Variants in KAZN observed in about 807,000 individuals in gnomAD.
KAZN encodes kazrin, periplakin interacting protein.
A neutral mutation model predicts 87.4 loss-of-function variants in KAZN; 40 were observed. The ratio of observed to expected loss-of-function variants is 0.46; its 90% CI spans 0.36 to 0.60. The LOEUF (loss-of-function observed/expected upper bound fraction) is 0.60. KAZN is among the 20% of genes least tolerant of loss of function. The pLI is 0.00. For missense variants in KAZN, 898 were observed against 1,073.9 expected (o/e 0.84, Z 2.29); for synonymous variants, 466 against 458.3 (o/e 1.02, Z -0.22).
chr1:14,009,701 C>T (rs547206674), intron 1 of KAZN, among the ~76,000 whole-genome samples: 4 of 152,194 alleles, frequency 2.6e-5, no homozygotes, highest in African/African-American at 4.8e-5. Flanking sequence ...ATATCTGATC[C>T]GCTGTTCATT....
At chr1:14,583,428 G>A (rs1045029300) in intron 2 of KAZN, among the ~76,000 whole-genome samples, 5 of 152,220 alleles carry the variant, frequency 3.3e-5, no homozygotes, top group Non-Finnish European at 7.4e-5. Context: ...AATGCTCTAG[G>A]AGATGCACGT....
intron 1 of KAZN, among the ~76,000 whole-genome samples, chr1:13,957,317 C>T (rs1226621805): frequency 6.6e-6 from 1 of 152,152 alleles, no homozygotes; most frequent in Non-Finnish European, 1.5e-5. Flanking sequence ...GTGAGAGAGA[C>T]AATCCAGATC....
chr1:15,087,865 T>C (rs560207902), intron 8 of KAZN, among the ~76,000 whole-genome samples: 2 of 152,378 alleles, frequency 1.3e-5, no homozygotes, highest in South Asian at 4.1e-4. Flanking sequence ...CTGAACACTT[T>C]GCACACATCA....
chr1:14,112,609 C>T (rs888285509), intron 1 of KAZN, among the ~76,000 whole-genome samples: 1 of 152,102 alleles, frequency 6.6e-6, no homozygotes, highest in Admixed American at 6.6e-5. Flanking sequence ...GATGTCACTC[C>T]CATGATTATG....
chr1:14,983,296 G>A (rs1027149601), intron 2 of KAZN, among the ~76,000 whole-genome samples: 64 of 152,198 alleles, frequency 4.2e-4, no homozygotes, highest in African/African-American at 1.4e-3. Context: ...GATGGGCCCC[G>A]GACTTGACGC....
intron 2 of KAZN, among the ~76,000 whole-genome samples, chr1:14,335,758 C>CAGAG (rs558013162): frequency 0.012 from 1,874 of 151,500 alleles, 43 homozygotes; most frequent in African/African-American, 0.043. Context: ...CACACACACA[C>CAGAG]ACAGAGAGAG....
rs139730170 is a variant in KAZN, at chr1:14,758,893, G to T, written c.226+159670G>T. 7.2e-5 allele frequency among the ~76,000 whole-genome samples: 10 copies of T among 138,448 alleles called. No homozygotes were observed. In the East Asian group the frequency reaches 2.0e-3, roughly 27 times the overall value. The allele number at this position is 138,448 out of a possible 152,430, so 90.8% of individuals were successfully genotyped here. On this transcript the variant is annotated intron_variant, in intron 1 of 14. Transcript: ENST00000376030. The stretch of plus-strand genomic sequence containing the variant: ...GGGTCTGAAAATCTTTCTTGAGCTG[G>T]GTCATTTGAATCCAGAAAAAAAAAA...
At chr1:15,044,459 G>GA (rs1673265896) in intron 4 of KAZN, among the ~76,000 whole-genome samples, 3 of 151,990 alleles carry the variant, frequency 2.0e-5, no homozygotes, top group Middle Eastern at 3.2e-3. Context: ...CTACTATTAG[G>GA]AAAAAAAGGC....
chr1:14,749,584 G>A (rs183202984), intron 1 of KAZN, among the ~76,000 whole-genome samples: 62 of 152,224 alleles, frequency 4.1e-4, no homozygotes, highest in South Asian at 4.1e-4. Context: ...CCTCTGGCTC[G>A]GCCTGTGGTT....
In KAZN at chr1:15,066,039, ACT is replaced by A. The variant is rs1377973970; in HGVS notation, c.1222+291_1222+292del. 3.8e-5 allele frequency: 47 copies of A among 1,225,112 alleles called. No homozygotes were observed. The African/African-American group carries it at 6.1e-4, about 16-fold the overall frequency. 75.9% of individuals were successfully genotyped at this position (1,225,112 alleles called of 1,614,324 possible). ...CCGCAAACCGTGTGTGAACCTGTCA[ACT>A]CTCTGTCGTCTTTGGAGCGATACAG... On this transcript the variant is annotated intron_variant, in intron 8 of 14. Coordinates refer to ENST00000376030, the MANE Select transcript of KAZN (RefSeq NM_201628.3). This position sits in a 1 kb window ranked among gnomAD's most constrained non-coding sequence, Gnocchi z 4.3.
At chr1:14,253,993 G>A (rs914280827) in intron 2 of KAZN, among the ~76,000 whole-genome samples, 3 of 151,494 alleles carry the variant, frequency 2.0e-5, no homozygotes, top group Non-Finnish European at 4.4e-5. Context: ...TTTTGGTTTC[G>A]TTTATTTCAT....
chr1:14,518,448 A>C (rs1671411166), intron 2 of KAZN, among the ~76,000 whole-genome samples: 1 of 152,148 alleles, frequency 6.6e-6, no homozygotes, highest in Non-Finnish European at 1.5e-5. Flanking sequence ...AAGTGTTGGG[A>C]TTATAGACAT....
intron 2 of KAZN, among the ~76,000 whole-genome samples, chr1:14,187,670 C>T (rs1646336759): frequency 6.6e-6 from 1 of 152,146 alleles, no homozygotes; most frequent in Non-Finnish European, 1.5e-5. Context: ...CTGCTAGCAT[C>T]CAGTAGGTAG....
rs1350299258 is a variant in KAZN, at chr1:13,965,409, G to A, written c.91+71653G>A. Among the ~76,000 whole-genome samples the A allele has an allele frequency of 2.6e-5, 4 of 152,082 alleles. 1 individual carries two copies. The South Asian group carries it at 8.3e-4, about 31-fold the overall frequency. On this transcript the variant is annotated intron_variant, in intron 1 of 16. Transcript: ENST00000636203. ...GATGCTGATGCCAAGTGTATAGCTC[G>A]GTGCTCAGGATATGACAGATGTTCA...
intron 1 of KAZN, among the ~76,000 whole-genome samples, chr1:13,974,873 T>G (rs1284297884): frequency 1.3e-5 from 2 of 152,204 alleles, no homozygotes; most frequent in African/African-American, 4.8e-5. Context: ...TTAGATACCC[T>G]GGAGGTCTCA....
At chr1:14,931,286 A>T (rs1373802230) in intron 1 of KAZN, among the ~76,000 whole-genome samples, 1 of 151,182 alleles carries the variant, frequency 6.6e-6, no homozygotes. Context: ...AAAAAAAAAA[A>T]TACAAAAATG....
At chr1:14,935,891 C>CTTCTTCTCT (rs1471390208) in intron 1 of KAZN, among the ~76,000 whole-genome samples, 65 of 152,216 alleles carry the variant, frequency 4.3e-4, no homozygotes, top group Non-Finnish European at 1.0e-4. Context: ...GCCTATAGCA[C>CTTCTTCTCT]CCCCGCCCCA....
In KAZN at chr1:14,154,649, A is replaced by G. The variant is rs114130041; in HGVS notation, c.92-25786A>G. On this transcript the variant is annotated intron_variant, in intron 1 of 16. Coordinates refer to the KAZN transcript ENST00000636203. ...TGTGAGTCTGTTGTACATGGCTTTA[A>G]TTATGTTGAGGTATGTTCCTTCTAT... Among the ~76,000 whole-genome samples, 86 of 152,254 alleles carry G rather than the reference A, an allele frequency of 5.6e-4. 1 individual carries two copies. Among genetic ancestry groups the G allele is most frequent in the Middle Eastern group, 3.4e-3 (1 of 294 alleles).
chr1:15,073,216 C>T (rs1319308486), intron 8 of KAZN, among the ~76,000 whole-genome samples: 1 of 152,194 alleles, frequency 6.6e-6, no homozygotes, highest in East Asian at 1.9e-4. Context: ...ACAAGGAGAT[C>T]AGTGGTTGTC....
Sources: gnomAD v4.1 joint callset for allele counts (sites outside exome capture counted in the v4.1 genomes callset) on GRCh38, gnomAD v4.1.1 for gene constraint, Gnocchi (gnomAD v3.1) non-coding constraint, MANE v1.5 for transcripts, NCBI Gene and HGNC (gene_info 2026-07-23, HGNC 2026-07-21) for gene names.